The following ATP10B variants were observed in gnomAD, a reference collection of about 807,000 sequenced individuals.
The protein encoded by ATP10B is phospholipid-transporting ATPase VB.
ATP10B carries 122 observed loss-of-function variants against 141.2 expected under a neutral mutation model. The observed-to-expected ratio is 0.86, with a 90% CI of 0.75 to 1.00. The LOEUF is 1.00. Among genes scored for constraint, ATP10B ranks in the 50% least tolerant of loss-of-function variants. The probability of loss-of-function intolerance (pLI) is 0.00; values close to 1 mark genes in which losing one functional copy is unlikely to be tolerated. For missense variants in ATP10B, 1,876 were observed against 1,825.3 expected (o/e 1.03, Z -0.51); for synonymous variants, 685 against 692.0 (o/e 0.99, Z 0.16).
intron 13 of ATP10B, among the ~76,000 whole-genome samples, chr5:160,631,681 C>T (rs1758949115): frequency 6.6e-6 from 1 of 152,160 alleles, no homozygotes; most frequent in South Asian, 2.1e-4. Flanking sequence ...CTAATTTCTC[C>T]TAACTGTATA....
At chr5:160,858,105 C>T in the ATP10B span, among the ~76,000 whole-genome samples, 1 of 151,322 alleles carries the variant, frequency 6.6e-6, no homozygotes, top group South Asian at 2.1e-4. Context: ...GTCCATTTTT[C>T]CTCCTTTCAG....
the ATP10B span, among the ~76,000 whole-genome samples, chr5:160,857,365 T>C: frequency 4.6e-5 from 7 of 151,936 alleles, no homozygotes; most frequent in African/African-American, 1.7e-4. Context: ...CCCTTGATTC[T>C]GCTGTGTCAG....
At chr5:160,750,472 A>G (rs1239709129) in intron 2 of ATP10B, among the ~76,000 whole-genome samples, 1 of 152,118 alleles carries the variant, frequency 6.6e-6, no homozygotes, top group Non-Finnish European at 1.5e-5. Context: ...TTCACCCATA[A>G]TAACTATTGT....
intron 2 of ATP10B, among the ~76,000 whole-genome samples, chr5:160,722,103 C>T (rs1424663960): frequency 1.3e-5 from 2 of 152,170 alleles, no homozygotes; most frequent in Non-Finnish European, 2.9e-5. Context: ...TCATAAGTGG[C>T]TGTTAACTAA....
intron 3 of ATP10B, among the ~76,000 whole-genome samples, chr5:160,716,573 A>C (rs757321792): frequency 6.6e-6 from 1 of 152,264 alleles, no homozygotes; most frequent in Non-Finnish European, 1.5e-5. Context: ...AAAGTTGAGC[A>C]AAAAGTTCCA....
intron 1 of ATP10B, among the ~76,000 whole-genome samples, chr5:160,792,519 A>C (rs1371905912): frequency 6.6e-6 from 1 of 152,078 alleles, no homozygotes; most frequent in Non-Finnish European, 1.5e-5. Context: ...ACCTCTCTGA[A>C]GACAATTCTG....
At chr5:160,781,393 G>C (rs887805937) in intron 2 of ATP10B, among the ~76,000 whole-genome samples, 6 of 152,126 alleles carry the variant, frequency 3.9e-5, no homozygotes, top group Admixed American at 1.3e-4. Flanking sequence ...ACGTCCAGGA[G>C]CCTGTGGTGT....
chr5:160,676,591 T>A (rs1763046338), intron 6 of ATP10B, among the ~76,000 whole-genome samples: 2 of 152,226 alleles, frequency 1.3e-5, no homozygotes, highest in African/African-American at 4.8e-5. Context: ...TTGGGTATAG[T>A]GTTTAGCACA....
intron 7 of ATP10B, among the ~76,000 whole-genome samples, chr5:160,652,470 T>C (rs1254168514): frequency 9.6e-6 from 1 of 103,852 alleles, no homozygotes; most frequent in Non-Finnish European, 2.1e-5. Context: ...TATTTATTTA[T>C]TTATTCGAGA....
chr5:160,921,100 C>G, the ATP10B span, among the ~76,000 whole-genome samples: 2 of 152,192 alleles, frequency 1.3e-5, no homozygotes, highest in East Asian at 1.9e-4. Flanking sequence ...CTCATGTCCT[C>G]TATCGGATTA....
the ATP10B span, among the ~76,000 whole-genome samples, chr5:160,925,441 G>A: frequency 1.3e-5 from 2 of 152,230 alleles, no homozygotes; most frequent in Admixed American, 1.3e-4. Flanking sequence ...CTGAAACAGA[G>A]TGGTTGGGAA....
At chr5:160,664,622 T>C (rs1581307506) in intron 7 of ATP10B, among the ~76,000 whole-genome samples, 1 of 152,188 alleles carries the variant, frequency 6.6e-6, no homozygotes, top group Non-Finnish European at 1.5e-5. Flanking sequence ...CAGATTCTGG[T>C]TCAGTCTGGG....
At chr5:160,756,884 A>C (rs1768660946) in intron 2 of ATP10B, among the ~76,000 whole-genome samples, 1 of 151,976 alleles carries the variant, frequency 6.6e-6, no homozygotes, top group African/African-American at 2.4e-5. Flanking sequence ...TGTCACGCGA[A>C]TATTTTTTCC....
Position 160,607,639 on chromosome 5 carries a change from T to C in ATP10B, c.2839-553A>G, listed in dbSNP as rs376499710. ...AAAAAATACATTGTACCTGTGTTTA[T>C]CAATTGTTGTATTCCATGAAGGGTG... On this transcript the variant is annotated intron_variant, in intron 18 of 25. Coordinates refer to ENST00000327245, the MANE Select transcript of ATP10B (RefSeq NM_025153.3). Among the ~76,000 whole-genome samples the C allele has an allele frequency of 1.8e-4, 27 of 152,340 alleles. 2 individuals carry two copies. Among genetic ancestry groups the C allele is most frequent in the East Asian group, 1.2e-3 (6 of 5,184 alleles).
intron 1 of ATP10B, among the ~76,000 whole-genome samples, chr5:160,826,538 A>G (rs1047912112): frequency 6.6e-6 from 1 of 152,164 alleles, no homozygotes; most frequent in Non-Finnish European, 1.5e-5. Flanking sequence ...GTGTTTGAAT[A>G]TGAAATCAGT....
chr5:160,664,927 C>A (rs532704941), intron 7 of ATP10B, among the ~76,000 whole-genome samples: 68 of 152,266 alleles, frequency 4.5e-4, no homozygotes, highest in Non-Finnish European at 8.4e-4. Context: ...TAGGTTAAAA[C>A]TCTTTTACAG....
intron 2 of ATP10B, among the ~76,000 whole-genome samples, chr5:160,719,152 G>A (rs1765838068): frequency 6.6e-6 from 1 of 152,188 alleles, no homozygotes; most frequent in South Asian, 2.1e-4. Flanking sequence ...TGTAATCCCA[G>A]CACTTTGTGA....
intron 9 of ATP10B, among the ~76,000 whole-genome samples, chr5:160,642,968 A>G (rs559485081): frequency 1.3e-5 from 2 of 152,348 alleles, no homozygotes; most frequent in African/African-American, 4.8e-5. Context: ...GTTCAGGCAG[A>G]GAAGCAAAGC....
At position 160,770,787 on chromosome 5, in the gene ATP10B, C is replaced by T. The variant is rs141789590; in HGVS notation, c.-331+14772G>A. On this transcript the variant is annotated intron_variant, in intron 2 of 25. Transcript: ENST00000327245. The stretch of plus-strand genomic sequence containing the variant: ...AAATAGTATTAAGTAAATCACTGAA[C>T]AGATGGTAAAATAGTTGATCTAAAT... Among the ~76,000 whole-genome samples the T allele has an allele frequency of 1.7e-3, 256 of 152,240 alleles. 1 individual carries two copies. In the East Asian group the frequency reaches 0.023, roughly 14 times the overall value.
Sources: gnomAD v4.1 joint callset for allele counts (sites outside exome capture counted in the v4.1 genomes callset) on GRCh38, gnomAD v4.1.1 for gene constraint, MANE v1.5 for transcripts, NCBI Gene and HGNC (gene_info 2026-07-23, HGNC 2026-07-21) for gene names.